Variants in GRIA3 observed in about 807,000 individuals in gnomAD.
The protein encoded by GRIA3 is glutamate receptor 3.
GRIA3 carries 3 observed loss-of-function variants against 63.0 expected under a neutral mutation model. The ratio of observed to expected loss-of-function variants is 0.05; its 90% CI spans 0.02 to 0.12. The LOEUF (loss-of-function observed/expected upper bound fraction) is 0.12. Among genes scored for constraint, GRIA3 ranks in the 10% least tolerant of loss-of-function variants. The probability of loss-of-function intolerance (pLI) is 1.00; values close to 1 mark genes in which losing one functional copy is unlikely to be tolerated. For synonymous variants in GRIA3, 274 were observed against 257.9 expected, an observed-to-expected ratio of 1.06 and a Z score of -0.60; for missense variants, 347 against 700.9, an observed-to-expected ratio of 0.50 and a Z score of 5.70.
chrX:123,460,475 G>C (rs1395050818), intron 12 of GRIA3, among the ~76,000 whole-genome samples: 1 of 111,742 alleles, frequency 8.9e-6, no homozygotes, highest in Non-Finnish European at 1.9e-5. Context: ...CTTCAAAAGG[G>C]GTTGGGTAAA....
At chrX:123,418,364 T>C (rs1046816401) in intron 11 of GRIA3, among the ~76,000 whole-genome samples, 1 of 111,636 alleles carries the variant, frequency 9.0e-6, no homozygotes, top group Non-Finnish European at 1.9e-5. Context: ...CAAAGTGCTC[T>C]TAGATAAGAC....
chrX:123,184,907 G>A, intron 1 of GRIA3: 2 of 468,952 alleles, frequency 4.3e-6, no homozygotes, highest in South Asian at 5.0e-5. Flanking sequence ...TTTCCGAGCC[G>A]AGAGGAGCAC....
At chrX:123,459,732 T>C (rs12860644) in intron 12 of GRIA3, among the ~76,000 whole-genome samples, 12,803 of 110,001 alleles carry the variant, frequency 0.12, 740 homozygotes, top group Admixed American at 0.21. Flanking sequence ...ATCCTGCCCA[T>C]AAATTGTTTA....
chrX:123,391,738 G>A lies in GRIA3; in HGVS notation c.751-3230G>A, dbSNP rs1238303694. Among the ~76,000 whole-genome samples the A allele has an allele frequency of 2.7e-5, 3 of 112,005 alleles. 1 individual carries two copies. The highest frequency in any genetic ancestry group is 6.5e-5 in the African/African-American group (2 of 30,791). On this transcript the variant is annotated intron_variant, in intron 5 of 15. Transcript: ENST00000620443. The stretch of plus-strand genomic sequence containing the variant: ...TAGCATAGGCAATGGTTGTAGCAGA[G>A]GCAACACAATCCTCTGACTCCCAAG...
intron 5 of GRIA3, among the ~76,000 whole-genome samples, chrX:123,391,983 GGGAGTAGAGCCA>G (rs1290073114): frequency 8.9e-6 from 1 of 111,972 alleles, no homozygotes; most frequent in Non-Finnish European, 1.9e-5. Flanking sequence ...GGGAATTGAG[GGGAGTAGAGCCA>G]GGCCATCTGG....
At chrX:123,390,416 TTTTTG>T (rs781434413) in intron 5 of GRIA3, among the ~76,000 whole-genome samples, 19 of 111,936 alleles carry the variant, frequency 1.7e-4, no homozygotes, top group African/African-American at 4.9e-4. Context: ...GCCAGGTGTT[TTTTTG>T]TTTTGTTTTG....
chrX:123,357,787 A>C (rs2045143017), intron 5 of GRIA3, among the ~76,000 whole-genome samples: 1 of 111,361 alleles, frequency 9.0e-6, no homozygotes, highest in Non-Finnish European at 1.9e-5. Flanking sequence ...TTAAAAATAA[A>C]GTAATGTATA....
At chrX:123,410,293 T>G (rs1394137956) in intron 10 of GRIA3, among the ~76,000 whole-genome samples, 2 of 111,850 alleles carry the variant, frequency 1.8e-5, no homozygotes, top group Admixed American at 1.9e-4. Context: ...GCCATGTTCC[T>G]TATGTTCCTA....
chrX:123,463,927 ATT>A (rs2045821252), intron 12 of GRIA3, among the ~76,000 whole-genome samples: 1 of 111,015 alleles, frequency 9.0e-6, no homozygotes, highest in African/African-American at 3.3e-5. Flanking sequence ...CTGGTCATTT[ATT>A]TGGGGTACCG....
At chrX:123,320,841 C>G (rs2044863482) in intron 3 of GRIA3, among the ~76,000 whole-genome samples, 1 of 111,501 alleles carries the variant, frequency 9.0e-6, no homozygotes, top group Non-Finnish European at 1.9e-5. Context: ...ACCTTAGCTC[C>G]AGCTCTGCTT....
chrX:123,327,721 C>G (rs1280626874), intron 4 of GRIA3, among the ~76,000 whole-genome samples: 1 of 110,633 alleles, frequency 9.0e-6, no homozygotes, highest in African/African-American at 3.3e-5. Context: ...CGGCATTACC[C>G]TCTAGTGAAT....
At chrX:123,189,798 C>G (rs901842796) in intron 2 of GRIA3, among the ~76,000 whole-genome samples, 7 of 111,573 alleles carry the variant, frequency 6.3e-5, no homozygotes, top group African/African-American at 2.3e-4. Flanking sequence ...TTTAATGGAG[C>G]CCCAGGTAAA....
At chrX:123,417,082 A>T (rs1034120063) in intron 10 of GRIA3, among the ~76,000 whole-genome samples, 1 of 112,254 alleles carries the variant, frequency 8.9e-6, no homozygotes, top group Admixed American at 9.4e-5. Context: ...TTAAATAGTG[A>T]CATGTCACAA....
intron 5 of GRIA3, among the ~76,000 whole-genome samples, chrX:123,360,465 G>A (rs996690489): frequency 3.0e-5 from 3 of 98,900 alleles, no homozygotes; most frequent in Non-Finnish European, 6.0e-5. Flanking sequence ...GGTGGATCAC[G>A]AGGTCAGCAG....
chrX:123,323,560 T>C (rs2044881921), intron 3 of GRIA3, among the ~76,000 whole-genome samples: 1 of 112,334 alleles, frequency 8.9e-6, no homozygotes, highest in African/African-American at 3.2e-5. Flanking sequence ...AAAGGAAGTT[T>C]CATGGACAAA....
intron 5 of GRIA3, among the ~76,000 whole-genome samples, chrX:123,392,275 T>G (rs994172011): frequency 2.7e-5 from 3 of 111,640 alleles, no homozygotes; most frequent in African/African-American, 9.8e-5. Context: ...TGACTCGTGT[T>G]TCGCCCTGGC....
At chrX:123,476,506 C>A (rs2045887883) in intron 13 of GRIA3, among the ~76,000 whole-genome samples, 1 of 111,298 alleles carries the variant, frequency 9.0e-6, no homozygotes, top group African/African-American at 3.3e-5. Flanking sequence ...TTTAGTCTAC[C>A]CCACAGCAAC....
chrX:123,192,655 C>G (rs1194519476), intron 2 of GRIA3, among the ~76,000 whole-genome samples: 1 of 111,861 alleles, frequency 8.9e-6, no homozygotes, highest in African/African-American at 3.3e-5. Context: ...CCAACCGTCA[C>G]TGGCTTCTTA....
chrX:123,354,308 G>A (rs1160452239), intron 4 of GRIA3, among the ~76,000 whole-genome samples: 1 of 111,466 alleles, frequency 9.0e-6, no homozygotes, highest in African/African-American at 3.3e-5. Context: ...AAGTGTCCTC[G>A]AGAGGAATCC....
Sources: gnomAD v4.1 joint callset for allele counts (sites outside exome capture counted in the v4.1 genomes callset) on GRCh38, gnomAD v4.1.1 for gene constraint, MANE v1.5 for transcripts, NCBI Gene and HGNC (gene_info 2026-07-23, HGNC 2026-07-21) for gene names.